HMGCS1: variants seen among roughly 807,000 people sequenced by gnomAD.
The protein encoded by HMGCS1 is 3-hydroxy-3-methylglutaryl-CoA synthase 1, also known as hydroxymethylglutaryl-CoA synthase, cytoplasmic.
HMGCS1 carries 9 observed loss-of-function variants against 52.3 expected under a neutral mutation model. The ratio of observed to expected loss-of-function variants is 0.17; its 90% CI spans 0.10 to 0.30. The LOEUF is 0.30. HMGCS1 is among the 10% of genes least tolerant of loss of function. The pLI is 1.00. For missense variants in HMGCS1, 320 were observed against 620.9 expected, an observed-to-expected ratio of 0.52 and a Z score of 5.15; for synonymous variants, 176 against 214.4, an observed-to-expected ratio of 0.82 and a Z score of 1.57.
In HMGCS1 at chr5:43,295,902, T is replaced by C; in HGVS notation, c.755A>G (p.Asp252Gly). The change falls in exon 6 of 11, where the codon GAT becomes GGT. Residue 252 changes from aspartate to glycine, a missense_variant. Asp to Gly is a moderately conservative substitution (Grantham distance 94). Around this residue, in one of 3 missense-constraint regions of HMGCS1, gnomAD observed 213 missense variants for 337.4 expected, o/e 0.63. Coordinates refer to ENST00000325110, the MANE Select transcript of HMGCS1 (RefSeq NM_001098272.3). ...GAAGCCAAAATCATTCAAGGTAAAATCTTTATCATTTCCCTCTGAAAGAGA... is the reference window on the plus strand; with the variant it reads ...GAAGCCAAAATCATTCAAGGTAAAACCTTTATCATTTCCCTCTGAAAGAGA... ...AQWQKEGNDK[D>G]FTLNDFGFMI... The C allele has an allele frequency of 4.3e-6, 7 of 1,611,290 alleles. No individual in the cohort carries two copies. The highest frequency in any genetic ancestry group is 5.9e-6 in the Non-Finnish European group (7 of 1,178,048).
At chr5:43,303,579 T>G (rs1407325172) in intron 2 of HMGCS1, among the ~76,000 whole-genome samples, 2 of 152,218 alleles carry the variant, frequency 1.3e-5, no homozygotes, top group Non-Finnish European at 2.9e-5. Flanking sequence ...TCACCTCAAC[T>G]AAGTCCAAGC....
intron 2 of HMGCS1, among the ~76,000 whole-genome samples, chr5:43,304,288 A>C (rs1245698055): frequency 1.3e-5 from 2 of 152,250 alleles, no homozygotes; most frequent in East Asian, 3.8e-4. Context: ...CAACTCTTCA[A>C]ACTGCTTTAA....
intron 1 of HMGCS1, among the ~76,000 whole-genome samples, chr5:43,312,239 G>A (rs1292086582): frequency 2.6e-5 from 4 of 152,190 alleles, no homozygotes; most frequent in East Asian, 3.8e-4. Flanking sequence ...TCTTGTCATT[G>A]TTTTTCATAT....
intron 2 of HMGCS1, among the ~76,000 whole-genome samples, chr5:43,301,409 G>C (rs1195607791): frequency 6.6e-6 from 1 of 152,188 alleles, no homozygotes; most frequent in East Asian, 1.9e-4. Context: ...GGTGATATTA[G>C]TTGTCAGGTC....
Position 43,298,263 on chromosome 5 carries a change from A to T in HMGCS1, c.449-129T>A. ...TTTGATAAAGAAAGAAAATGCTCTA[A>T]TTTTTTTTTAAAATTCATCTGCCAA... On this transcript the variant is annotated intron_variant, in intron 3 of 10. Transcript: ENST00000325110. This position sits in a 1 kb window ranked among gnomAD's most constrained non-coding sequence, Gnocchi z 5.6. 2.3e-6 allele frequency: 2 copies of T among 883,436 alleles called. No individual in the cohort carries two copies. The highest frequency in any genetic ancestry group is 2.7e-5 in the East Asian group (1 of 37,156). The allele number at this position is 883,436 out of a possible 1,614,324, so 54.7% of individuals were successfully genotyped here.
chr5:43,293,309 C>T lies in HMGCS1; in HGVS notation c.1184-336G>A, dbSNP rs142182806. Among the ~76,000 whole-genome samples the T allele has an allele frequency of 4.9e-3, 746 of 152,116 alleles. 8 individuals are homozygous for T. The highest frequency in any genetic ancestry group is 0.017 in the African/African-American group (716 of 41,492). On this transcript the variant is annotated intron_variant, in intron 8 of 10. Transcript: ENST00000325110. ...GGTCTCACTATGTTGCTCAGGTTGG[C>T]CTTGAACATCTGGCCTCAAGCAATC...
chr5:43,301,204 A>G lies in HMGCS1; in HGVS notation c.-10-2229T>C, dbSNP rs137977196. On this transcript the variant is annotated intron_variant, in intron 2 of 10. Transcript: ENST00000325110. ...TCAACAGAGTGGACACCATGAAGAA[A>G]GGCAAGCTACAAGGAATTACAAAAA... Among the ~76,000 whole-genome samples, 805 of 152,322 alleles carry G rather than the reference A, an allele frequency of 5.3e-3. 5 individuals carry two copies. Among genetic ancestry groups the G allele is most frequent in the African/African-American group, 0.019 (778 of 41,550 alleles).
chr5:43,290,976 A>T lies in HMGCS1; in HGVS notation c.*155T>A. ...ATAGAGCAAAGAGACTTTCCCAAGTACACGATAGTCATCCAGGCTCCATGT... is the reference window on the plus strand; with the variant it reads ...ATAGAGCAAAGAGACTTTCCCAAGTTCACGATAGTCATCCAGGCTCCATGT... On this transcript the variant is annotated 3_prime_UTR_variant, in exon 11 of 11. Transcript: ENST00000325110. 1 of 587,276 alleles carries T rather than the reference A, an allele frequency of 1.7e-6. No individual in the cohort carries two copies. Among genetic ancestry groups the T allele is most frequent in the Non-Finnish European group, 3.1e-6 (1 of 325,836 alleles). The allele number at this position is 587,276 out of a possible 1,614,324, so 36.4% of individuals were successfully genotyped here. A position where few individuals can be genotyped will look rare whatever the true frequency, so the allele number is the denominator to read the frequency against.
Position 43,288,563 on chromosome 5 carries a change from A to G in HMGCS1, c.*2568T>C, listed in dbSNP as rs1753597083. ...AGTGTCAACCTCAAAGTTACTCATT[A>G]GTATCCATAAAAATAAAAACTTAGG... On this transcript the variant is annotated 3_prime_UTR_variant, in exon 11 of 11. Transcript: ENST00000325110. The G allele has an allele frequency of 6.6e-6, 1 of 152,148 alleles. No individual in the cohort carries two copies. The allele number at this position is 152,148 out of a possible 1,614,324, so 9.4% of individuals were successfully genotyped here. A position where few individuals can be genotyped will look rare whatever the true frequency, so the allele number is the denominator to read the frequency against.
Position 43,291,205 on chromosome 5 carries a change from C to A in HMGCS1, c.1489G>T (p.Ala497Ser), listed in dbSNP as rs1753749928. ...GCAGGGAGTCTTGGTACTTTCTTGG[C>A]AGGGCTTGGAATATGCTAAAATGAA... ...NIATEHIPSP[A>S]KKVPRLPATA... is the part of the protein sequence containing the mutation. The change falls in exon 11 of 11, where the codon GCC becomes TCC. Residue 497 changes from alanine (A) to serine (S), a missense_variant. Around this residue, in one of 3 missense-constraint regions of HMGCS1, gnomAD observed 213 missense variants for 337.4 expected, o/e 0.63. Transcript: ENST00000325110. 6.2e-7 allele frequency: 1 copy of A among 1,601,238 alleles called. No individual in the cohort carries two copies. The highest frequency in any genetic ancestry group is 1.3e-5 in the African/African-American group (1 of 74,214).
chr5:43,307,493 T>G (rs1391018592), intron 2 of HMGCS1, among the ~76,000 whole-genome samples: 1 of 152,258 alleles, frequency 6.6e-6, no homozygotes, highest in Admixed American at 6.5e-5. Context: ...AAGTAGTCCA[T>G]GTAATTACAT....
intron 8 of HMGCS1, among the ~76,000 whole-genome samples, chr5:43,293,380 A>T (rs1299214861): frequency 6.6e-6 from 1 of 152,190 alleles, no homozygotes; most frequent in Admixed American, 6.5e-5. Flanking sequence ...GGTGTGAGCC[A>T]TTGCACCTGG....
At chr5:43,292,385 C>T (rs1753818833) in intron 10 of HMGCS1, 89 bp downstream of exon 10, 2 of 1,083,774 alleles carry the variant, frequency 1.8e-6, no homozygotes, top group South Asian at 3.0e-5. Flanking sequence ...AGAGCCCTTA[C>T]TCTTCTTTAC....
intron 2 of HMGCS1, among the ~76,000 whole-genome samples, chr5:43,302,531 C>T (rs1754371515): frequency 6.6e-6 from 1 of 152,130 alleles, no homozygotes; most frequent in Non-Finnish European, 1.5e-5. Flanking sequence ...GGTAACATTT[C>T]AGAAATTGGG....
In HMGCS1 at chr5:43,289,182, AAAGAC is replaced by A. The variant is rs1753623780; in HGVS notation, c.*1944_*1948del. 1 of 152,232 alleles carries A rather than the reference AAAGAC, an allele frequency of 6.6e-6. No homozygotes were observed. Among genetic ancestry groups the A allele is most frequent in the Non-Finnish European group, 1.5e-5 (1 of 68,038 alleles). 9.4% of individuals were successfully genotyped at this position (152,232 alleles called of 1,614,324 possible). On this transcript the variant is annotated 3_prime_UTR_variant, in exon 11 of 11. Coordinates refer to ENST00000325110, the MANE Select transcript of HMGCS1 (RefSeq NM_001098272.3). The stretch of plus-strand genomic sequence containing the variant: ...CTCCATTCTAGATGAACAGCTCCTT[AAAGAC>A]AAGACCATATATCTTGTACATTTTC...
At position 43,294,208 on chromosome 5, in the gene HMGCS1, C is replaced by A. The variant is rs781642217; in HGVS notation, c.1077-46G>T. 12 of 1,177,940 alleles carry A rather than the reference C, an allele frequency of 1.0e-5. 1 individual carries two copies. In the South Asian group the frequency reaches 1.3e-4, roughly 13 times the overall value. The allele number at this position is 1,177,940 out of a possible 1,614,324, so 73.0% of individuals were successfully genotyped here. ...GTTCAGAAGTTTAACTGATCCAAAG[C>A]TACAGCGTGTGGGAAGCTATAAAAG... On this transcript the variant is annotated intron_variant, in intron 7 of 10. Coordinates refer to ENST00000325110, the MANE Select transcript of HMGCS1 (RefSeq NM_001098272.3).
At chr5:43,293,785 C>A in intron 8 of HMGCS1, 1 of 257,858 alleles carries the variant, frequency 3.9e-6, no homozygotes, top group Non-Finnish European at 7.5e-6. Context: ...GTGATCTTGG[C>A]TCACCACAAC....
In HMGCS1 at chr5:43,295,203, A is replaced by G. The variant is rs143772749; in HGVS notation, c.906-342T>C. ...CTGAATAGAATACTATTTCAAGTCC[A>G]TAATAATGTTTATTTAGTTAGAAAA... On this transcript the variant is annotated intron_variant, in intron 6 of 10. Coordinates refer to ENST00000325110, the MANE Select transcript of HMGCS1 (RefSeq NM_001098272.3). Among the ~76,000 whole-genome samples the G allele has an allele frequency of 4.6e-4, 70 of 152,400 alleles. 1 individual carries two copies. In the East Asian group the frequency reaches 0.013, roughly 28 times the overall value.
At position 43,298,469 on chromosome 5, in the gene HMGCS1, C is replaced by A; in HGVS notation, c.448+49G>T. 1.4e-6 allele frequency: 2 copies of A among 1,466,004 alleles called. No individual in the cohort carries two copies. Among genetic ancestry groups the A allele is most frequent in the Middle Eastern group, 3.7e-4 (2 of 5,432 alleles). The allele number at this position is 1,466,004 out of a possible 1,614,324, so 90.8% of individuals were successfully genotyped here. A position where few individuals can be genotyped will look rare whatever the true frequency, so the allele number is the denominator to read the frequency against. On this transcript the variant is annotated intron_variant, in intron 3 of 10. Transcript: ENST00000325110. This position sits in a 1 kb window ranked among gnomAD's most constrained non-coding sequence, Gnocchi z 5.6. ...TAAAGTGTCATCTGGGTCTATTGAA[C>A]CTTAGAAAAAAATTTTGGGGGACGG...
Sources: gnomAD v4.1 joint callset for allele counts (sites outside exome capture counted in the v4.1 genomes callset) on GRCh38, gnomAD v4.1.1 for gene constraint, gnomAD v4.1.1 regional missense constraint, Gnocchi (gnomAD v3.1) non-coding constraint, MANE v1.5 for transcripts, NCBI Gene and HGNC (gene_info 2026-07-23, HGNC 2026-07-21) for gene names.